Variants in IQGAP2 observed in about 807,000 individuals in gnomAD.
The protein encoded by IQGAP2 is IQ motif containing GTPase activating protein 2.
A neutral mutation model predicts 201.3 loss-of-function variants in IQGAP2; 173 were observed. That is an observed-to-expected ratio of 0.86 (90% CI 0.76 to 0.98). IQGAP2 has a LOEUF of 0.98. IQGAP2 is among the 50% of genes least tolerant of loss of function. The pLI is 0.00. For synonymous variants in IQGAP2, 675 were observed against 673.9 expected, an observed-to-expected ratio of 1.00 and a Z score of -0.03; for missense variants, 1,687 against 1,864.8, an observed-to-expected ratio of 0.90 and a Z score of 1.76.
intron 2 of IQGAP2, among the ~76,000 whole-genome samples, chr5:76,462,332 A>G (rs540492771): frequency 1.3e-5 from 2 of 152,308 alleles, no homozygotes; most frequent in East Asian, 1.9e-4. Flanking sequence ...TATGACAGCA[A>G]TCTCCTCTTT....
intron 5 of IQGAP2, among the ~76,000 whole-genome samples, chr5:76,585,209 A>G (rs1388370207): frequency 6.6e-6 from 1 of 152,196 alleles, no homozygotes; most frequent in Non-Finnish European, 1.5e-5. Flanking sequence ...GAAAAATGTA[A>G]AAGTATATTA....
chr5:76,641,523 T>C (rs1751582543), intron 17 of IQGAP2, among the ~76,000 whole-genome samples: 1 of 152,228 alleles, frequency 6.6e-6, no homozygotes, highest in South Asian at 2.1e-4. Context: ...TAAACAGATT[T>C]AGCCTCTCTA....
intron 1 of IQGAP2, among the ~76,000 whole-genome samples, chr5:76,413,541 T>G (rs1751252747): frequency 6.6e-6 from 1 of 152,214 alleles, no homozygotes; most frequent in Non-Finnish European, 1.5e-5. Flanking sequence ...TCTATCAATT[T>G]GGGTGGGGAC....
intron 17 of IQGAP2, among the ~76,000 whole-genome samples, chr5:76,645,785 A>G (rs1235687943): frequency 6.6e-6 from 1 of 152,022 alleles, no homozygotes; most frequent in Non-Finnish European, 1.5e-5. Flanking sequence ...GAGATGAAAC[A>G]TAATAATGAG....
intron 1 of IQGAP2, among the ~76,000 whole-genome samples, chr5:76,404,872 C>CT (rs780329322): frequency 4.8e-4 from 72 of 149,382 alleles, no homozygotes; most frequent in Admixed American, 3.3e-3. Context: ...TCAGTGTTTG[C>CT]AGTGCCAACC....
intron 2 of IQGAP2, among the ~76,000 whole-genome samples, chr5:76,557,050 A>T (rs567272148): frequency 2.0e-5 from 3 of 152,336 alleles, no homozygotes; most frequent in South Asian, 4.1e-4. Context: ...CCTCATACTG[A>T]AACAGTGACA....
chr5:76,438,567 C>T (rs56295750), intron 1 of IQGAP2, among the ~76,000 whole-genome samples: 8 of 152,058 alleles, frequency 5.3e-5, no homozygotes, highest in Non-Finnish European at 8.8e-5. Context: ...TTCAGCCTCC[C>T]GAGCAGCTGG....
At chr5:76,628,329 G>A (rs542670703) in intron 14 of IQGAP2, among the ~76,000 whole-genome samples, 75 of 152,282 alleles carry the variant, frequency 4.9e-4, no homozygotes, top group African/African-American at 1.7e-3. Context: ...GAGGTCAGGT[G>A]ATGAATAGAA....
intron 2 of IQGAP2, among the ~76,000 whole-genome samples, chr5:76,500,517 A>G (rs905912422): frequency 3.9e-5 from 6 of 152,340 alleles, no homozygotes; most frequent in Middle Eastern, 3.4e-3. Context: ...TGTGTGTGAA[A>G]TAGATCATGT....
intron 32 of IQGAP2, among the ~76,000 whole-genome samples, chr5:76,697,582 G>A (rs930394973): frequency 6.6e-6 from 1 of 152,150 alleles, no homozygotes; most frequent in African/African-American, 2.4e-5. Flanking sequence ...GGTAAAGGTT[G>A]CAGAGATCAG....
At chr5:76,646,677 C>T (rs933937887) in intron 17 of IQGAP2, among the ~76,000 whole-genome samples, 92 of 152,138 alleles carry the variant, frequency 6.0e-4, no homozygotes, top group African/African-American at 2.0e-3. Flanking sequence ...ATTCTAGACT[C>T]ATTCCTGTGT....
chr5:76,562,703 C>T (rs1354842784), intron 3 of IQGAP2, 151 bp downstream of exon 3: 4 of 659,968 alleles, frequency 6.1e-6, no homozygotes, highest in African/African-American at 5.6e-5. Flanking sequence ...CCTGAGGCAG[C>T]AGCAGTTTTA....
chr5:76,496,755 T>C (rs1561416439), intron 2 of IQGAP2, among the ~76,000 whole-genome samples: 3 of 80,214 alleles, frequency 3.7e-5, no homozygotes, highest in African/African-American at 1.7e-4. Flanking sequence ...CTTTCTTTCT[T>C]TCTTTCTTTC....
chr5:76,634,367 T>C (rs989862679), intron 15 of IQGAP2, among the ~76,000 whole-genome samples: 2 of 152,070 alleles, frequency 1.3e-5, no homozygotes, highest in African/African-American at 4.8e-5. Context: ...GTTCAAGCAA[T>C]TCTGCCTCAG....
chr5:76,460,591 A>G (rs918331088), intron 1 of IQGAP2, among the ~76,000 whole-genome samples: 1 of 152,186 alleles, frequency 6.6e-6, no homozygotes, highest in Admixed American at 6.5e-5. Context: ...GACTCTCGCA[A>G]TGGAGGTGCA....
At chr5:76,467,159 G>A (rs1754825524) in intron 2 of IQGAP2, among the ~76,000 whole-genome samples, 1 of 152,172 alleles carries the variant, frequency 6.6e-6, no homozygotes, top group Non-Finnish European at 1.5e-5. Flanking sequence ...GGCTAAAGTG[G>A]GAGAATTGCT....
chr5:76,443,357 G>A (rs1245057472), intron 1 of IQGAP2, among the ~76,000 whole-genome samples: 4 of 152,056 alleles, frequency 2.6e-5, no homozygotes, highest in African/African-American at 4.8e-5. Context: ...AGGATGGCAT[G>A]CATCCATAGT....
rs767849678 is a variant in IQGAP2, at chr5:76,461,555, A to G, written c.47-15A>G. 3 of 1,585,488 alleles carry G rather than the reference A, an allele frequency of 1.9e-6. No homozygotes were observed. In the South Asian group the frequency reaches 3.3e-5, roughly 18 times the overall value. On this transcript the variant is annotated splice_polypyrimidine_tract_variant and intron_variant, in intron 1 of 35. Transcript: ENST00000274364. ...CTGCCTTTGTAAATCACATGTTGTT[A>G]TCCTCTATTTCTAGCTATTGTGGAC...
At chr5:76,703,259 G>A (rs1016869307) in intron 35 of IQGAP2, among the ~76,000 whole-genome samples, 4 of 152,026 alleles carry the variant, frequency 2.6e-5, no homozygotes, top group East Asian at 1.9e-4. Flanking sequence ...GGGCTCAAGC[G>A]ATCCTCCTGC....
Sources: allele counts gnomAD v4.1 joint callset (sites outside exome capture counted in the v4.1 genomes callset), GRCh38; gene constraint gnomAD v4.1.1; transcripts MANE v1.5; gene names NCBI Gene and HGNC (gene_info 2026-07-23, HGNC 2026-07-21).